The following EPB41L2 variants were observed in gnomAD, a reference collection of about 807,000 sequenced individuals.
The protein encoded by EPB41L2 is band 4.1-like protein 2.
A neutral mutation model predicts 113.0 loss-of-function variants in EPB41L2; 43 were observed. That is an observed-to-expected ratio of 0.38 (90% CI 0.30 to 0.49). EPB41L2 has a LOEUF of 0.49. Ranked by LOEUF, EPB41L2 falls within the 20% of genes least tolerant of loss-of-function variation. The pLI, the probability that EPB41L2 is intolerant of heterozygous loss-of-function variation, is 0.95. For missense variants in EPB41L2, 1,147 were observed against 1,223.4 expected, an observed-to-expected ratio of 0.94 and a Z score of 0.93; for synonymous variants, 442 against 436.7, an observed-to-expected ratio of 1.01 and a Z score of -0.15.
Position 130,885,217 on chromosome 6 carries a change from G to C in EPB41L2, c.1712C>G (p.Ala571Gly). The change falls in exon 12 of 20, where the codon GCT becomes GGT. Residue 571 changes from alanine to glycine, a missense_variant. By Grantham distance (60) the Ala-to-Gly change is moderately conservative. Transcript: ENST00000337057. Reference sequence around the variant, plus strand: ...AGGTCCATAGGCTGAAATCTCCCCAGCAGCGCCAGGAAAATCCTTCATAAG... The same window carrying C: ...AGGTCCATAGGCTGAAATCTCCCCACCAGCGCCAGGAAAATCCTTCATAAG... ...QSLMKDFPGA[A>G]GEISAYGPGL... is the part of the protein sequence containing the mutation. The C allele has an allele frequency of 6.2e-7, 1 of 1,614,092 alleles. No individual in the cohort carries two copies. Among genetic ancestry groups the C allele is most frequent in the African/African-American group, 1.3e-5 (1 of 75,042 alleles).
intron 19 of EPB41L2, 26 bp from the exon 20 acceptor site, chr6:130,840,624 C>T (rs78912760): frequency 2.3e-5 from 3 of 130,128 alleles, no homozygotes; most frequent in Non-Finnish European, 3.3e-5. Flanking sequence ...AAAAAAAAAA[C>T]AGAAGGCTTA....
rs751687394 is a variant in EPB41L2 at position 130,955,308 on chromosome 6, A to G, written c.502T>C (p.Leu168=). Residue 168 remains leucine, a synonymous_variant, in exon 3 of 20, where the codon TTA becomes CTA. Coordinates refer to ENST00000337057, the MANE Select transcript of EPB41L2 (RefSeq NM_001431.4). ...VSKVEMQPTE[L]VSKEREEKVK... ...TTCTCTTCTCTCTCCTTACTTACTAATTCAGTAGGCTGTTGAGGAAAAAAA... is the reference window on the plus strand; with the variant it reads ...TTCTCTTCTCTCTCCTTACTTACTAGTTCAGTAGGCTGTTGAGGAAAAAAA... 3 of 1,601,038 alleles carry G rather than the reference A, an allele frequency of 1.9e-6. No individual in the cohort carries two copies. The East Asian group carries it at 6.9e-5, about 37-fold the overall frequency.
chr6:130,956,435 C>T lies in EPB41L2; in HGVS notation c.51G>A (p.Gln17=), dbSNP rs2297852. 46 of 1,613,954 alleles carry T rather than the reference C, an allele frequency of 2.9e-5. No homozygotes were observed. The highest frequency in any genetic ancestry group is 1.6e-4 in the Middle Eastern group (1 of 6,084). The part of the protein sequence containing the change: ...SVSEVKKDSS[Q]LGTDATKEKP... ...TTTCCTTGGTTGCATCTGTTCCTAACTGGCTAGAGTCCTTCTTCACTTCAG... is the reference window on the plus strand; with the variant it reads ...TTTCCTTGGTTGCATCTGTTCCTAATTGGCTAGAGTCCTTCTTCACTTCAG... The change falls in exon 2 of 20, where the codon CAG becomes CAA. Residue 17 remains glutamine (Q), a synonymous_variant. Transcript: ENST00000337057.
intron 19 of EPB41L2, among the ~76,000 whole-genome samples, chr6:130,857,331 T>G (rs1050348168): frequency 5.9e-5 from 9 of 152,310 alleles, no homozygotes; most frequent in Admixed American, 5.9e-4. Flanking sequence ...ACTCATTTAA[T>G]TCTCTGCCCA....
chr6:130,929,574 T>C (rs551516719), intron 3 of EPB41L2, among the ~76,000 whole-genome samples: 2 of 152,260 alleles, frequency 1.3e-5, no homozygotes, highest in South Asian at 4.1e-4. Context: ...TATGTTAAGA[T>C]ACCAGGGAAT....
At chr6:130,974,881 C>T (rs1417605849) in intron 1 of EPB41L2, among the ~76,000 whole-genome samples, 1 of 151,826 alleles carries the variant, frequency 6.6e-6, no homozygotes, top group African/African-American at 2.4e-5. Context: ...CCTCAGCCTC[C>T]CGAGTACCTG....
chr6:130,910,099 G>A (rs980043692), intron 4 of EPB41L2, among the ~76,000 whole-genome samples: 4 of 152,118 alleles, frequency 2.6e-5, no homozygotes, highest in Non-Finnish European at 4.4e-5. Context: ...GAACAAAGCT[G>A]GAGGTATCAC....
At chr6:130,897,970 G>T (rs1002272551) in intron 8 of EPB41L2, among the ~76,000 whole-genome samples, 1 of 151,552 alleles carries the variant, frequency 6.6e-6, no homozygotes. Context: ...GGTTAAAAAT[G>T]ATGCTGCCAG....
chr6:131,046,746 T>C (rs1019935917), intron 1 of EPB41L2, among the ~76,000 whole-genome samples: 9 of 152,194 alleles, frequency 5.9e-5, no homozygotes, highest in African/African-American at 2.2e-4. Context: ...TATCACCTTA[T>C]CCTCTACGTG....
intron 4 of EPB41L2, among the ~76,000 whole-genome samples, chr6:130,915,462 G>A (rs1010131708): frequency 6.6e-6 from 1 of 152,092 alleles, no homozygotes. Context: ...AAAAAACCTG[G>A]TTAATATCAG....
chr6:130,860,667 C>A (rs1270028512), intron 18 of EPB41L2, among the ~76,000 whole-genome samples: 1 of 152,210 alleles, frequency 6.6e-6, no homozygotes, highest in East Asian at 1.9e-4. Context: ...CGAATAGCTG[C>A]GACTACAGGC....
intron 14 of EPB41L2, among the ~76,000 whole-genome samples, chr6:130,877,510 T>G (rs1787947797): frequency 6.6e-6 from 1 of 152,204 alleles, no homozygotes; most frequent in Admixed American, 6.5e-5. Context: ...AAGTAAACCA[T>G]GAAAAGAAAT....
At chr6:131,020,535 T>G (rs574083713) in intron 1 of EPB41L2, among the ~76,000 whole-genome samples, 1 of 152,330 alleles carries the variant, frequency 6.6e-6, no homozygotes, top group Admixed American at 6.5e-5. Flanking sequence ...TTTCAAGATA[T>G]TCCCATCACT....
chr6:131,002,344 G>A (rs906349413), intron 1 of EPB41L2, among the ~76,000 whole-genome samples: 9 of 152,192 alleles, frequency 5.9e-5, no homozygotes, highest in African/African-American at 1.9e-4. Context: ...AGGGAAAGTG[G>A]AGGGGAGAGA....
At position 131,060,236 on chromosome 6, in the gene EPB41L2, T is replaced by C. The variant is rs191841964; in HGVS notation, c.-15+2919A>G. Among the ~76,000 whole-genome samples, 162 of 152,384 alleles carry C rather than the reference T, an allele frequency of 1.1e-3. 1 individual carries two copies. The highest frequency in any genetic ancestry group is 1.3e-4 in the Non-Finnish European group (9 of 68,038). ...CCTTCAAAAATATTTAGCATTCTGC[T>C]ATATAAAATATAAACCCTATATTCC... On this transcript the variant is annotated intron_variant, in intron 1 of 19. Transcript: ENST00000337057.
intron 1 of EPB41L2, among the ~76,000 whole-genome samples, chr6:130,979,085 A>C (rs1450842692): frequency 6.6e-6 from 1 of 152,184 alleles, no homozygotes; most frequent in East Asian, 1.9e-4. Flanking sequence ...CAATATGCTA[A>C]GCTCAGATGT....
intron 4 of EPB41L2, among the ~76,000 whole-genome samples, chr6:130,918,573 A>T (rs958342433): frequency 1.1e-4 from 16 of 152,192 alleles, no homozygotes; most frequent in Admixed American, 9.2e-4. Flanking sequence ...AATAGACATT[A>T]AAAAAGCTTT....
chr6:130,969,989 A>G (rs79613414), intron 1 of EPB41L2, among the ~76,000 whole-genome samples: 4 of 152,222 alleles, frequency 2.6e-5, no homozygotes, highest in Non-Finnish European at 4.4e-5. Flanking sequence ...ACAAAAGTCA[A>G]CATTTGCCTA....
intron 18 of EPB41L2, among the ~76,000 whole-genome samples, chr6:130,858,877 A>C (rs2128424294): frequency 6.6e-6 from 1 of 152,364 alleles, no homozygotes; most frequent in South Asian, 2.1e-4. Context: ...AAGAACAGAG[A>C]CTGACTAATC....
Sources: allele counts gnomAD v4.1 joint callset (sites outside exome capture counted in the v4.1 genomes callset), GRCh38; gene constraint gnomAD v4.1.1; transcripts MANE v1.5; gene names NCBI Gene and HGNC (gene_info 2026-07-23, HGNC 2026-07-21).